PGAP4: variants seen among roughly 807,000 people sequenced by gnomAD.
The protein encoded by PGAP4 is post-GPI attachment to proteins GalNAc transferase 4, also known as GPI-N-acetylgalactosamine transferase PGAP4.
A neutral mutation model predicts 28.2 loss-of-function variants in PGAP4; 12 were observed. The ratio of observed to expected loss-of-function variants is 0.42; its 90% CI spans 0.27 to 0.69. PGAP4 has a LOEUF of 0.69. PGAP4 is among the 30% of genes least tolerant of loss of function. The pLI, the probability that PGAP4 is intolerant of heterozygous loss-of-function variation, is 0.22. For synonymous variants in PGAP4, 205 were observed against 211.8 expected, an observed-to-expected ratio of 0.97 and a Z score of 0.28; for missense variants, 425 against 513.5, an observed-to-expected ratio of 0.83 and a Z score of 1.67.
chr9:101,510,297 C>G (rs1211585093), intron 2 of PGAP4, among the ~76,000 whole-genome samples: 1 of 152,124 alleles, frequency 6.6e-6, no homozygotes, highest in Admixed American at 6.5e-5. Flanking sequence ...TTTAGCAGTG[C>G]AGTTAGCCAC....
chr9:101,525,429 G>A (rs1007820370), intron 2 of PGAP4, among the ~76,000 whole-genome samples: 13 of 151,780 alleles, frequency 8.6e-5, no homozygotes, highest in African/African-American at 2.4e-4. Flanking sequence ...AAATGTTGGC[G>A]GGCGCAGTGG....
chr9:101,511,788 A>G (rs12683273), intron 2 of PGAP4, among the ~76,000 whole-genome samples: 1 of 152,044 alleles, frequency 6.6e-6, no homozygotes, highest in African/African-American at 2.4e-5. Context: ...CTGAGCATTT[A>G]TAATTAGATT....
chr9:101,493,733 T>C (rs1265292937), intron 2 of PGAP4, among the ~76,000 whole-genome samples: 2 of 152,186 alleles, frequency 1.3e-5, no homozygotes, highest in Non-Finnish European at 1.5e-5. Context: ...TGAATGTCTC[T>C]GGTCATGACG....
intron 2 of PGAP4, among the ~76,000 whole-genome samples, chr9:101,506,935 T>A (rs1166911627): frequency 6.6e-6 from 1 of 152,074 alleles, no homozygotes. Flanking sequence ...AACAGGATAG[T>A]TATTTCCCAT....
chr9:101,528,029 T>A (rs1296833893), intron 2 of PGAP4, among the ~76,000 whole-genome samples: 1 of 152,178 alleles, frequency 6.6e-6, no homozygotes, highest in Non-Finnish European at 1.5e-5. Flanking sequence ...TGCCCCAAAA[T>A]CTGTACTCAG....
intron 2 of PGAP4, among the ~76,000 whole-genome samples, chr9:101,505,359 A>G (rs910123775): frequency 2.0e-4 from 30 of 152,218 alleles, no homozygotes; most frequent in Non-Finnish European, 4.1e-4. Context: ...ATTTTAATTG[A>G]CAGATAGAAG....
At chr9:101,489,654 C>T (rs1329196073), upstream of PGAP4, among the ~76,000 whole-genome samples, 1 of 152,150 alleles carries the variant, frequency 6.6e-6, no homozygotes, top group Admixed American at 6.5e-5. Context: ...GCCATCTTAT[C>T]TCCTGCTAGT....
chr9:101,477,137 TG>T lies in PGAP4; in HGVS notation c.-46del. 1 of 1,513,342 alleles carries T rather than the reference TG, an allele frequency of 6.6e-7. No homozygotes were observed. The highest frequency in any genetic ancestry group is 8.8e-7 in the Non-Finnish European group (1 of 1,133,730). The allele number at this position is 1,513,342 out of a possible 1,614,324, so 93.7% of individuals were successfully genotyped here. ...GTCTGGTCCCAAGAAAAAACCATCC[TG>T]GAACTCAGGCCAGAGTCATCAGAAA... On this transcript the variant is annotated 5_prime_UTR_variant, in exon 2 of 2. Transcript: ENST00000374848.
Position 101,475,908 on chromosome 9 carries a change from C to T in PGAP4, c.1185G>A (p.Arg395=), listed in dbSNP as rs1826285325. The change falls in exon 2 of 2, where the codon CGG becomes CGA. Residue 395 remains arginine (R), a synonymous_variant. Transcript: ENST00000374848. ...VKHIGLFSSL[R]YNFHPSLL Reference sequence around the variant, plus strand: ...AGAGGAGACTGGGATGAAAGTTGTACCGGAGACTGGAGAAGAGCCCGATGT... The same window carrying T: ...AGAGGAGACTGGGATGAAAGTTGTATCGGAGACTGGAGAAGAGCCCGATGT... The T allele has an allele frequency of 6.2e-7, 1 of 1,614,112 alleles. No individual in the cohort carries two copies. Among genetic ancestry groups the T allele is most frequent in the East Asian group, 2.2e-5 (1 of 44,888 alleles).
intron 2 of PGAP4, among the ~76,000 whole-genome samples, chr9:101,498,205 A>G (rs908061239): frequency 6.6e-6 from 1 of 151,914 alleles, no homozygotes; most frequent in Non-Finnish European, 1.5e-5. Context: ...ATTGTATGAG[A>G]AAAACCTCTC....
chr9:101,481,893 C>T (rs1003456911), intron 1 of PGAP4, among the ~76,000 whole-genome samples: 1 of 152,158 alleles, frequency 6.6e-6, no homozygotes, highest in African/African-American at 2.4e-5. Context: ...CCTCTACGGC[C>T]TCTTTTATTA....
chr9:101,492,036 T>C (rs1826694271), upstream of PGAP4, among the ~76,000 whole-genome samples: 1 of 151,842 alleles, frequency 6.6e-6, no homozygotes, highest in Non-Finnish European at 1.5e-5. Context: ...TTTTTTTCAG[T>C]TCTATCAATT....
At chr9:101,504,209 G>GTTTTTTTTTT (rs3081858) in intron 2 of PGAP4, among the ~76,000 whole-genome samples, 9 of 22,712 alleles carry the variant, frequency 4.0e-4, no homozygotes, top group African/African-American at 7.7e-4. Context: ...GTGTGTGTTT[G>GTTTTTTTTTT]TTTTTTTTTT....
intron 2 of PGAP4, among the ~76,000 whole-genome samples, chr9:101,502,723 A>G (rs1051293412): frequency 3.3e-5 from 5 of 152,058 alleles, no homozygotes; most frequent in African/African-American, 1.2e-4. Flanking sequence ...GCTATCTCCT[A>G]GAGACCTGGC....
intron 2 of PGAP4, among the ~76,000 whole-genome samples, chr9:101,493,233 A>G (rs529027947): frequency 2.3e-4 from 35 of 149,748 alleles, no homozygotes; most frequent in African/African-American, 8.4e-4. Context: ...CAGCCTGGTG[A>G]CAGAGCGAGA....
chr9:101,481,268 T>C (rs1311924829), intron 1 of PGAP4: 2 of 152,228 alleles, frequency 1.3e-5, no homozygotes, highest in Non-Finnish European at 2.9e-5. Context: ...TTTTCACTGC[T>C]AGTTTGGGGA....
rs543701515 is a variant in PGAP4, at chr9:101,486,297, C to T, written c.-78+652G>A. On this transcript the variant is annotated intron_variant, in intron 1 of 1. Coordinates refer to ENST00000374848, the MANE Select transcript of PGAP4 (RefSeq NM_032342.3). This position sits in a 1 kb window ranked among gnomAD's most constrained non-coding sequence, Gnocchi z 4.7. ...CACGCTTGAGCCTCAGTTTCCCACCCGTAGGCCGAGCTGACCGTCTCCATC... is the reference window on the plus strand; with the variant it reads ...CACGCTTGAGCCTCAGTTTCCCACCTGTAGGCCGAGCTGACCGTCTCCATC... Among the ~76,000 whole-genome samples the T allele has an allele frequency of 6.6e-6, 1 of 152,350 alleles. No homozygotes were observed. Among genetic ancestry groups the T allele is most frequent in the East Asian group, 1.9e-4 (1 of 5,156 alleles).
intron 2 of PGAP4, among the ~76,000 whole-genome samples, chr9:101,495,805 GT>G (rs1258224673): frequency 7.6e-5 from 11 of 145,554 alleles, no homozygotes; most frequent in East Asian, 5.9e-4. Context: ...AAATGTTTGA[GT>G]TTTTTTTTTA....
Position 101,476,404 on chromosome 9 carries a change from G to T in PGAP4, c.689C>A (p.Ala230Asp). The change falls in exon 2 of 2, where the codon GCT becomes GAT. Residue 230 changes from alanine to aspartate, a missense_variant. Coordinates refer to ENST00000374848, the MANE Select transcript of PGAP4 (RefSeq NM_032342.3). This position sits in a 1 kb window ranked among gnomAD's most constrained non-coding sequence, Gnocchi z 7.0. ...TCTGAGATGTGGCTCAGAGAAGCGA[G>T]CCCGCAGAAGGTGCTCCAAGACTGG... ...IFPVLEHLLR[A>D]RFSEPHLRDA... 4 of 1,614,140 alleles carry T rather than the reference G, an allele frequency of 2.5e-6. No individual in the cohort carries two copies. The highest frequency in any genetic ancestry group is 3.4e-6 in the Non-Finnish European group (4 of 1,180,026).
Sources: gnomAD v4.1 joint callset for allele counts (sites outside exome capture counted in the v4.1 genomes callset) on GRCh38, gnomAD v4.1.1 for gene constraint, Gnocchi (gnomAD v3.1) non-coding constraint, MANE v1.5 for transcripts, NCBI Gene and HGNC (gene_info 2026-07-23, HGNC 2026-07-21) for gene names.